MMP12: variants seen among roughly 807,000 people sequenced by gnomAD.
MMP12 encodes matrix metallopeptidase 12.
MMP12 carries 51 observed loss-of-function variants against 45.2 expected under a neutral mutation model. The observed-to-expected ratio is 1.13, with a 90% CI of 0.90 to 1.42. The LOEUF is 1.42. MMP12 is among the 40% of genes most tolerant of loss of function. MMP12 has a pLI of 0.00. For missense variants in MMP12, 530 were observed against 570.8 expected, an observed-to-expected ratio of 0.93 and a Z score of 0.73; for synonymous variants, 210 against 193.3, an observed-to-expected ratio of 1.09 and a Z score of -0.72.
intron 7 of MMP12, 96 bp from the exon 8 acceptor site, chr11:102,866,031 G>A: frequency 9.8e-7 from 1 of 1,017,392 alleles, no homozygotes; most frequent in Non-Finnish European, 1.4e-6. Context: ...CTTTCCAACA[G>A]TTATAATATT....
At chr11:102,863,503 C>A (rs1190792665) in intron 9 of MMP12, among the ~76,000 whole-genome samples, 1 of 151,972 alleles carries the variant, frequency 6.6e-6, no homozygotes, top group African/African-American at 2.4e-5. Context: ...GGTATCATAC[C>A]CCCAAAACGT....
At chr11:102,869,070 A>ATGTC (rs1278643168) in intron 4 of MMP12, among the ~76,000 whole-genome samples, 6 of 152,214 alleles carry the variant, frequency 3.9e-5, no homozygotes, top group African/African-American at 1.4e-4. Context: ...AGAGAGGGGT[A>ATGTC]TGTCCCTTCT....
At chr11:102,872,742 G>A (rs1859523251) in intron 2 of MMP12, 123 bp downstream of exon 2, 6 of 1,015,144 alleles carry the variant, frequency 5.9e-6, no homozygotes, top group Non-Finnish European at 8.4e-6. Context: ...AGCAGAGATA[G>A]CATTAACAAT....
rs201875165 is a variant in MMP12 at position 102,867,223 on chromosome 11, T to C, written c.911+47A>G. On this transcript the variant is annotated intron_variant, in intron 6 of 9. Transcript: ENST00000571244. The stretch of plus-strand genomic sequence containing the variant: ...TCCACTGTTTTCTGACAAAAAAAAT[T>C]TAAAGGCAGAAACTTTAATATTGGT... 604 of 1,478,594 alleles carry C rather than the reference T, an allele frequency of 4.1e-4. 4 individuals are homozygous for C. In the South Asian group the frequency reaches 5.5e-3, roughly 13 times the overall value. The allele number at this position is 1,478,594 out of a possible 1,614,324, so 91.6% of individuals were successfully genotyped here.
chr11:102,868,108 T>C, intron 4 of MMP12, 39 bp from the exon 5 acceptor site: 1 of 1,505,010 alleles, frequency 6.6e-7, no homozygotes, highest in Non-Finnish European at 9.1e-7. Context: ...GTGAAATGCA[T>C]TATCATCTTG....
intron 4 of MMP12, among the ~76,000 whole-genome samples, chr11:102,869,139 A>G (rs1312065549): frequency 6.6e-6 from 1 of 152,174 alleles, no homozygotes; most frequent in Non-Finnish European, 1.5e-5. Context: ...CTTGTCCCCT[A>G]GTCCAATGCC....
intron 4 of MMP12, among the ~76,000 whole-genome samples, chr11:102,870,031 A>G (rs1555009156): frequency 6.6e-6 from 1 of 152,204 alleles, no homozygotes; most frequent in Non-Finnish European, 1.5e-5. Context: ...AATCAATCCA[A>G]TTAAAAAATA....
At chr11:102,872,089 C>T (rs1220807942) in intron 2 of MMP12, 137 bp from the exon 3 acceptor site, 1 of 976,506 alleles carries the variant, frequency 1.0e-6, no homozygotes, top group East Asian at 2.8e-5. Context: ...AAACTTGCTT[C>T]ATTAACTACA....
At position 102,867,935 on chromosome 11, in the gene MMP12, C is replaced by T; in HGVS notation, c.760G>A (p.Asp254Asn). 1 of 1,610,394 alleles carries T rather than the reference C, an allele frequency of 6.2e-7. No individual in the cohort carries two copies. The highest frequency in any genetic ancestry group is 8.5e-7 in the Non-Finnish European group (1 of 1,178,488). Reference protein sequence around the residue: ...DINTFRLSADDIRGIQSLYGD... With the variant: ...DINTFRLSADNIRGIQSLYGD... ...TACAGGGACTGAATGCCACGTATGT[C>T]ATCAGCAGAGAGGCGAAATGTGTTG... The change falls in exon 5 of 10, where the codon GAC becomes AAC. Residue 254 changes from aspartate (D) to asparagine (N), a missense_variant. By Grantham distance (23) the Asp-to-Asn change is conservative. Transcript: ENST00000571244.
intron 7 of MMP12, 98 bp downstream of exon 7, chr11:102,866,217 G>A (rs1406872946): frequency 1.2e-5 from 14 of 1,212,590 alleles, no homozygotes; most frequent in African/African-American, 1.5e-5. Flanking sequence ...AATCAAGAGT[G>A]CTTTCTTGGT....
rs201569783 is a variant in MMP12 at position 102,864,202 on chromosome 11, G to A, written c.1256C>T (p.Thr419Ile). The stretch of plus-strand genomic sequence containing the variant: ...AGGCCCGATTCCTTGGAAGTTCTTG[G>A]TAATCAGTTTGGGATAACCAGGGTC... ...MMDPGYPKLI[T>I]KNFQGIGPKI... Residue 419 changes from threonine (T) to isoleucine (I), a missense_variant, in exon 9 of 10, where the codon ACC (threonine) becomes ATC (isoleucine). By Grantham distance (89) the Thr-to-Ile change is moderately conservative. Coordinates refer to ENST00000571244, the MANE Select transcript of MMP12 (RefSeq NM_002426.6). 23 of 1,613,810 alleles carry A rather than the reference G, an allele frequency of 1.4e-5. No homozygotes were observed. In the African/African-American group the frequency reaches 2.7e-4, roughly 19 times the overall value.
chr11:102,864,128 G>A lies in MMP12; in HGVS notation c.1312+18C>T, dbSNP rs781963476. On this transcript the variant is annotated intron_variant, in intron 9 of 9. Coordinates refer to ENST00000571244, the MANE Select transcript of MMP12 (RefSeq NM_002426.6). ...AAATGTTATTTCCAGTATCTTCATG[G>A]TTTCCTCATCTACTTACTGTTTTTA... The A allele has an allele frequency of 6.7e-7, 1 of 1,495,868 alleles. No homozygotes were observed. The highest frequency in any genetic ancestry group is 9.3e-7 in the Non-Finnish European group (1 of 1,072,756). 92.7% of individuals were successfully genotyped at this position (1,495,868 alleles called of 1,614,324 possible).
rs1859572295 is a variant in MMP12, at chr11:102,874,954, G to A, written c.-17C>T. On this transcript the variant is annotated 5_prime_UTR_variant, in exon 1 of 10. Transcript: ENST00000571244. ...AAACTTCATTGTAAACTTCTAAACG[G>A]ATCAATTCAGTTTACTGTGTTCCTT... 1 of 1,501,138 alleles carries A rather than the reference G, an allele frequency of 6.7e-7. No homozygotes were observed. Among genetic ancestry groups the A allele is most frequent in the South Asian group, 1.2e-5 (1 of 83,440 alleles). The allele number at this position is 1,501,138 out of a possible 1,614,324, so 93.0% of individuals were successfully genotyped here.
Position 102,871,687 on chromosome 11 carries a change from C to T in MMP12, c.532G>A (p.Gly178Ser). 5 of 1,607,044 alleles carry T rather than the reference C, an allele frequency of 3.1e-6. No individual in the cohort carries two copies. The highest frequency in any genetic ancestry group is 4.3e-6 in the Non-Finnish European group (5 of 1,176,434). The change falls in exon 4 of 10, where the codon GGT becomes AGT. Residue 178 changes from glycine to serine, a missense_variant. Physicochemically the swap from Gly to Ser is moderately conservative, Grantham distance 56. Transcript: ENST00000571244. ...CCAAAAGCATGGGCTAGGATTCCAC[C>T]TTTGCCATCAAAAGCATGGAAGTCT... is the stretch of plus-strand genomic sequence containing the variant. Reference protein sequence around the residue: ...HGDFHAFDGKGGILAHAFGPG... With the variant: ...HGDFHAFDGKSGILAHAFGPG...
At chr11:102,864,341 T>G in intron 8 of MMP12, 89 bp from the exon 9 acceptor site, 13 of 830,038 alleles carry the variant, frequency 1.6e-5, no homozygotes, top group Non-Finnish European at 2.2e-5. Flanking sequence ...TGAAGAGCTC[T>G]TCCCCAAAGG....
chr11:102,872,971 A>G lies in MMP12; in HGVS notation c.244T>C (p.Ser82Pro). ...GLKVTGQLDT[S>P]TLEMMHAPRC... ...GGTGCGTGCATCATCTCCAGGGTAG[A>G]TGTGTCCAGTTGCCCGGTCACTTTC... The change falls in exon 2 of 10, where the codon TCT becomes CCT. Residue 82 changes from serine (S) to proline (P), a missense_variant. Physicochemically the swap from Ser to Pro is moderately conservative, Grantham distance 74. Transcript: ENST00000571244. The G allele has an allele frequency of 6.2e-7, 1 of 1,613,718 alleles. No homozygotes were observed. The highest frequency in any genetic ancestry group is 8.5e-7 in the Non-Finnish European group (1 of 1,179,810).
Position 102,863,145 on chromosome 11 carries a change from T to C in MMP12, c.1368A>G (p.Gln456=). 1 of 1,612,042 alleles carries C rather than the reference T, an allele frequency of 6.2e-7. No individual in the cohort carries two copies. Among genetic ancestry groups the C allele is most frequent in the Non-Finnish European group, 8.5e-7 (1 of 1,179,034 alleles). The change falls in exon 10 of 10, where the codon CAA becomes CAG. Residue 456 remains glutamine (Q), a synonymous_variant. Transcript: ENST00000571244. The stretch of plus-strand genomic sequence containing the variant: ...TGCTTTTCAGTGTTTTGGTGATACG[T>C]TGGAGTAGGAAGTCATATTCAAATT... ...SNQFEYDFLL[Q]RITKTLKSNS... is the part of the protein sequence containing the mutation.
intron 4 of MMP12, among the ~76,000 whole-genome samples, chr11:102,869,306 T>A (rs1859450445): frequency 6.6e-6 from 1 of 152,012 alleles, no homozygotes; most frequent in East Asian, 1.9e-4. Context: ...TAGACACAAA[T>A]CAAGAATTTT....
At chr11:102,868,655 C>G (rs1272178592) in intron 4 of MMP12, among the ~76,000 whole-genome samples, 1 of 152,098 alleles carries the variant, frequency 6.6e-6, no homozygotes, top group Non-Finnish European at 1.5e-5. Flanking sequence ...AATTCTCATA[C>G]AAATGAAAGG....
Sources: gnomAD v4.1 joint callset for allele counts (sites outside exome capture counted in the v4.1 genomes callset) on GRCh38, gnomAD v4.1.1 for gene constraint, MANE v1.5 for transcripts, NCBI Gene and HGNC (gene_info 2026-07-23, HGNC 2026-07-21) for gene names.